NCAM1: variants seen among roughly 807,000 people sequenced by gnomAD.
The protein encoded by NCAM1 is antigen recognized by monoclonal antibody 5.1H11.
NCAM1 carries 14 observed loss-of-function variants against 109.8 expected under a neutral mutation model. That is an observed-to-expected ratio of 0.13 (90% CI 0.08 to 0.20). NCAM1 has a LOEUF of 0.20. Among genes scored for constraint, NCAM1 ranks in the 10% least tolerant of loss-of-function variants. NCAM1 has a pLI of 1.00. For missense variants in NCAM1, 774 were observed against 1,109.9 expected, an observed-to-expected ratio of 0.70 and a Z score of 4.30; for synonymous variants, 418 against 442.9, an observed-to-expected ratio of 0.94 and a Z score of 0.70.
chr11:113,267,552 G>A (rs1478960475), intron 17 of NCAM1, among the ~76,000 whole-genome samples: 2 of 152,072 alleles, frequency 1.3e-5, no homozygotes, highest in East Asian at 1.9e-4. Flanking sequence ...GCCCTAAAGC[G>A]GGTTGAGCTG....
At chr11:113,224,756 A>G (rs547183481) in intron 9 of NCAM1, among the ~76,000 whole-genome samples, 203 of 152,364 alleles carry the variant, frequency 1.3e-3, no homozygotes, top group South Asian at 2.3e-3. Flanking sequence ...ACGATCAGAC[A>G]GCAGCATTTG....
chr11:113,109,972 A>G (rs1387373542), intron 1 of NCAM1, among the ~76,000 whole-genome samples: 4 of 152,196 alleles, frequency 2.6e-5, no homozygotes, highest in African/African-American at 9.7e-5. Context: ...ACATGCATAC[A>G]TATACAGGGA....
At chr11:113,222,571 G>A (rs2137108082) in intron 9 of NCAM1, among the ~76,000 whole-genome samples, 1 of 152,302 alleles carries the variant, frequency 6.6e-6, no homozygotes, top group Non-Finnish European at 1.5e-5. Context: ...CACAGGTTGG[G>A]TGCTTTATTG....
intron 1 of NCAM1, among the ~76,000 whole-genome samples, chr11:112,988,659 C>G (rs1214976061): frequency 6.6e-6 from 1 of 151,910 alleles, no homozygotes; most frequent in Non-Finnish European, 1.5e-5. Flanking sequence ...GAGAAGTCCA[C>G]TGATACCTTT....
At chr11:113,079,349 C>A (rs1938681297) in intron 1 of NCAM1, among the ~76,000 whole-genome samples, 1 of 152,154 alleles carries the variant, frequency 6.6e-6, no homozygotes, top group African/African-American at 2.4e-5. Flanking sequence ...AAGCCTCAAA[C>A]CGGGGATCCA....
At chr11:113,235,216 G>A (rs1170012277) in intron 14 of NCAM1, 52 bp downstream of exon 14, 25 of 1,613,148 alleles carry the variant, frequency 1.5e-5, no homozygotes, top group Non-Finnish European at 2.1e-5. Flanking sequence ...TTCTCCCTGG[G>A]GGCAGTGGGG....
intron 15 of NCAM1, among the ~76,000 whole-genome samples, chr11:113,246,864 G>C (rs1555120332): frequency 1.3e-5 from 2 of 152,220 alleles, no homozygotes; most frequent in Non-Finnish European, 2.9e-5. Context: ...CCCAGTGAGA[G>C]TGCTTCATAA....
Position 112,973,599 on chromosome 11 carries a change from A to G in NCAM1, c.52+11935A>G, listed in dbSNP as rs562881362. 3.3e-5 allele frequency among the ~76,000 whole-genome samples: 5 copies of G among 152,156 alleles called. No individual in the cohort carries two copies. In the East Asian group the frequency reaches 7.7e-4, roughly 24 times the overall value. The stretch of plus-strand genomic sequence containing the variant: ...CCTTGAGCCAGTTATTTAATCTCCA[A>G]CGGTCAGTTTATTTATCTGTGAATC... On this transcript the variant is annotated intron_variant, in intron 1 of 19. Coordinates refer to ENST00000316851, the MANE Select transcript of NCAM1 (RefSeq NM_181351.5).
At chr11:113,164,004 G>A (rs1316912063) in intron 1 of NCAM1, among the ~76,000 whole-genome samples, 2 of 152,262 alleles carry the variant, frequency 1.3e-5, no homozygotes, top group African/African-American at 2.4e-5. Context: ...TGGGATTGCC[G>A]AACACCACAT....
Position 113,055,978 on chromosome 11 carries a change from GATATATATATATATATATATATATATAT to G in NCAM1, c.52+94334_52+94361del, listed in dbSNP as rs58693567. Among the ~76,000 whole-genome samples, 281 of 60,032 alleles carry G rather than the reference GATATATATATATATATATATATATATAT, an allele frequency of 4.7e-3. 2 individuals are homozygous for G. The highest frequency in any genetic ancestry group is 0.043 in the Middle Eastern group (4 of 94). 39.4% of individuals were successfully genotyped at this position (60,032 alleles called of 152,430 possible). Reference sequence around the variant, plus strand: ...GTGGATGAATGGATAAAGAAAATGTGATATATATATATATATATATATATATATATATATATATATATATATAAAATAT... The same window carrying G: ...GTGGATGAATGGATAAAGAAAATGTGATATATATATATATATATAAAATAT... On this transcript the variant is annotated intron_variant, in intron 1 of 19. Coordinates refer to ENST00000316851, the MANE Select transcript of NCAM1 (RefSeq NM_181351.5).
At chr11:113,262,378 A>C (rs1946033446) in intron 17 of NCAM1, among the ~76,000 whole-genome samples, 1 of 152,160 alleles carries the variant, frequency 6.6e-6, no homozygotes, top group Non-Finnish European at 1.5e-5. Flanking sequence ...AAGACAATAC[A>C]CTTGCTGGCT....
chr11:113,144,296 G>A (rs79919903), intron 1 of NCAM1, among the ~76,000 whole-genome samples: 1,691 of 152,136 alleles, frequency 0.011, 27 homozygotes, highest in African/African-American at 0.038. Context: ...GATGACCCTC[G>A]GCCGTTACAG....
intron 1 of NCAM1, among the ~76,000 whole-genome samples, chr11:113,076,668 T>C (rs1406235835): frequency 1.3e-5 from 2 of 152,150 alleles, no homozygotes. Flanking sequence ...TCCCTCTAAA[T>C]GCAAAATAAA....
Position 113,059,549 on chromosome 11 carries a change from C to A in NCAM1, c.52+97885C>A, listed in dbSNP as rs140663811. Among the ~76,000 whole-genome samples, 1,224 of 152,300 alleles carry A rather than the reference C, an allele frequency of 8.0e-3. 5 individuals carry two copies. The highest frequency in any genetic ancestry group is 0.012 in the Non-Finnish European group (805 of 68,010). On this transcript the variant is annotated intron_variant, in intron 1 of 19. Transcript: ENST00000316851. ...CCTTGTGCTGGCTCATCCTCCCAGG[C>A]CTTTCTATGTAGCTCAAGATTCTCA...
chr11:113,116,585 G>A (rs1940721304), intron 1 of NCAM1, among the ~76,000 whole-genome samples: 2 of 152,204 alleles, frequency 1.3e-5, no homozygotes, highest in Admixed American at 1.3e-4. Flanking sequence ...TTTATCGACA[G>A]GGAGAAGAGC....
chr11:113,091,171 A>T (rs1565430563), intron 1 of NCAM1, among the ~76,000 whole-genome samples: 3 of 152,164 alleles, frequency 2.0e-5, no homozygotes, highest in Admixed American at 1.3e-4. Flanking sequence ...CTATTTTAAG[A>T]TATAAGCCAA....
intron 1 of NCAM1, among the ~76,000 whole-genome samples, chr11:113,035,899 T>C (rs1364468063): frequency 1.3e-5 from 2 of 152,152 alleles, no homozygotes; most frequent in African/African-American, 4.8e-5. Context: ...TGGGAGGTCC[T>C]GAATAAAACA....
chr11:112,990,233 T>A (rs1236377074), intron 1 of NCAM1, among the ~76,000 whole-genome samples: 1 of 152,198 alleles, frequency 6.6e-6, no homozygotes, highest in Non-Finnish European at 1.5e-5. Context: ...TGTTTTTCTC[T>A]GGGTCCCTGG....
chr11:112,992,829 C>G (rs1315505630), intron 1 of NCAM1, among the ~76,000 whole-genome samples: 1 of 152,120 alleles, frequency 6.6e-6, no homozygotes, highest in East Asian at 1.9e-4. Context: ...GAACTCTTAT[C>G]TCTTCTAGAA....
Sources: gnomAD v4.1 joint callset for allele counts (sites outside exome capture counted in the v4.1 genomes callset) on GRCh38, gnomAD v4.1.1 for gene constraint, MANE v1.5 for transcripts, NCBI Gene and HGNC (gene_info 2026-07-23, HGNC 2026-07-21) for gene names.